The following C12orf42 variants were observed in gnomAD, a reference collection of about 807,000 sequenced individuals.
The protein encoded by C12orf42 is uncharacterized protein C12orf42.
In C12orf42, 25 loss-of-function variants were observed where a neutral mutation model predicts 21.6. The observed-to-expected ratio is 1.16, with a 90% confidence interval of 0.84 to 1.62. The LOEUF is 1.62. Ranked by LOEUF, C12orf42 falls within the 40% of genes most tolerant of loss-of-function variation. The pLI is 0.00. For synonymous variants in C12orf42, 174 were observed against 175.0 expected, an observed-to-expected ratio of 0.99 and a Z score of 0.05; for missense variants, 483 against 459.3, an observed-to-expected ratio of 1.05 and a Z score of -0.47.
chr12:103,256,159 CAT>C (rs1398385024), intron 10 of C12orf42, among the ~76,000 whole-genome samples: 1 of 123,324 alleles, frequency 8.1e-6, no homozygotes, highest in Non-Finnish European at 1.6e-5. Context: ...TATATACACA[CAT>C]ATATATACAC....
chr12:103,357,120 G>A (rs911922566), intron 4 of C12orf42, among the ~76,000 whole-genome samples: 2 of 141,432 alleles, frequency 1.4e-5, no homozygotes, highest in Non-Finnish European at 3.0e-5. Flanking sequence ...ACACAGGAAG[G>A]GGAACATCAC....
the C12orf42 span, among the ~76,000 whole-genome samples, chr12:103,515,644 G>T: frequency 6.6e-6 from 1 of 152,142 alleles, no homozygotes; most frequent in Admixed American, 6.6e-5. Context: ...TGCTATAGAA[G>T]GGGTGGTTCC....
intron 3 of C12orf42, among the ~76,000 whole-genome samples, chr12:103,379,280 C>T (rs946877367): frequency 3.9e-5 from 6 of 152,166 alleles, no homozygotes; most frequent in African/African-American, 1.4e-4. Flanking sequence ...AATAAAAATA[C>T]AACTGATGTC....
the C12orf42 span, among the ~76,000 whole-genome samples, chr12:103,141,032 G>A: frequency 0.22 from 33,198 of 152,076 alleles, 4,067 homozygotes; most frequent in East Asian, 0.35. Flanking sequence ...AATACCTTCA[G>A]CATAAGGTGA....
chr12:103,119,379 A>G, the C12orf42 span, among the ~76,000 whole-genome samples: 1 of 152,220 alleles, frequency 6.6e-6, no homozygotes, highest in Non-Finnish European at 1.5e-5. Flanking sequence ...ATTATCAGCT[A>G]TCAATGTAGT....
the C12orf42 span, among the ~76,000 whole-genome samples, chr12:103,193,587 C>T: frequency 1.2e-4 from 18 of 151,824 alleles, no homozygotes; most frequent in African/African-American, 4.3e-4. Context: ...ACAAAATGAA[C>T]AATCTATAAG....
chr12:103,450,229 T>C (rs1200231768), intron 2 of C12orf42, among the ~76,000 whole-genome samples: 1 of 152,132 alleles, frequency 6.6e-6, no homozygotes, highest in Non-Finnish European at 1.5e-5. Flanking sequence ...AGATTTGGTT[T>C]ACTAGATTTG....
At chr12:103,066,538 T>G in the C12orf42 span, among the ~76,000 whole-genome samples, 1 of 152,208 alleles carries the variant, frequency 6.6e-6, no homozygotes, top group African/African-American at 2.4e-5. Flanking sequence ...GCTGCAGCAC[T>G]ATAGCCCCTT....
chr12:103,455,526 G>A (rs1952230161), intron 2 of C12orf42, among the ~76,000 whole-genome samples: 1 of 151,962 alleles, frequency 6.6e-6, no homozygotes, highest in South Asian at 2.1e-4. Flanking sequence ...ATGCATCCTG[G>A]TTTGACATCA....
Position 103,349,417 on chromosome 12 carries a change from A to G in C12orf42, c.259+19470T>C, listed in dbSNP as rs12230458. 3.2e-4 allele frequency: 49 copies of G among 152,320 alleles called. No homozygotes were observed. The East Asian group carries it at 8.7e-3, about 27-fold the overall frequency. The allele number at this position is 152,320 out of a possible 1,614,324, so 9.4% of individuals were successfully genotyped here. On this transcript the variant is annotated intron_variant, in intron 4 of 5. Coordinates refer to ENST00000548883, the MANE Select transcript of C12orf42 (RefSeq NM_198521.5). Reference sequence around the variant, plus strand: ...AATTTCGGAGTTCCCTGTTGAAAACATAGAAAGAGTAACTGAAATCCAATC... The same window carrying G: ...AATTTCGGAGTTCCCTGTTGAAAACGTAGAAAGAGTAACTGAAATCCAATC...
At chr12:103,557,156 GA>G in the C12orf42 span, among the ~76,000 whole-genome samples, 1 of 152,094 alleles carries the variant, frequency 6.6e-6, no homozygotes. Context: ...TCAATTCCAA[GA>G]AACTATTTGA....
At chr12:103,222,530 G>GGGATGC in the C12orf42 span, among the ~76,000 whole-genome samples, 2 of 152,188 alleles carry the variant, frequency 1.3e-5, no homozygotes, top group Non-Finnish European at 2.9e-5. Flanking sequence ...CAAGTCACAG[G>GGGATGC]GGATGCGATA....
At chr12:103,238,548 G>A (rs564661267) in intron 10 of C12orf42, among the ~76,000 whole-genome samples, 15 of 152,322 alleles carry the variant, frequency 9.8e-5, no homozygotes, top group Admixed American at 9.8e-4. Context: ...TATAATCTGA[G>A]GAGTGTAGGA....
the C12orf42 span, among the ~76,000 whole-genome samples, chr12:103,551,831 A>T: frequency 6.6e-5 from 10 of 152,044 alleles, no homozygotes; most frequent in Non-Finnish European, 1.2e-4. Context: ...TAATAACAAT[A>T]ATAATAATAA....
At chr12:103,443,208 G>A (rs1303297251) in intron 2 of C12orf42, among the ~76,000 whole-genome samples, 2 of 152,006 alleles carry the variant, frequency 1.3e-5, no homozygotes. Context: ...GCTTTTCTAC[G>A]ACTAACAAGT....
the C12orf42 span, among the ~76,000 whole-genome samples, chr12:103,544,870 G>A: frequency 6.6e-6 from 1 of 152,006 alleles, no homozygotes; most frequent in Non-Finnish European, 1.5e-5. Flanking sequence ...TGCTAGGAGG[G>A]GTGGACAGCT....
the C12orf42 span, among the ~76,000 whole-genome samples, chr12:103,200,563 T>C: frequency 9.2e-5 from 14 of 152,346 alleles, no homozygotes; most frequent in South Asian, 2.7e-3. Flanking sequence ...ATTGAGGTGA[T>C]GGCTTCGCAG....
the C12orf42 span, among the ~76,000 whole-genome samples, chr12:103,207,241 TTG>T: frequency 2.6e-5 from 4 of 152,202 alleles, no homozygotes; most frequent in African/African-American, 9.6e-5. Flanking sequence ...AACCAAAATT[TTG>T]TGTTATGAAC....
intron 2 of C12orf42, among the ~76,000 whole-genome samples, chr12:103,476,151 T>C (rs944535080): frequency 1.3e-5 from 2 of 152,128 alleles, no homozygotes; most frequent in African/African-American, 4.8e-5. Flanking sequence ...AAAGAAAACA[T>C]AGATAATGAA....
Sources: gnomAD v4.1 joint callset for allele counts (sites outside exome capture counted in the v4.1 genomes callset) on GRCh38, gnomAD v4.1.1 for gene constraint, MANE v1.5 for transcripts, NCBI Gene and HGNC (gene_info 2026-07-23, HGNC 2026-07-21) for gene names.